The following EPB41L4B variants were observed in gnomAD, a reference collection of about 807,000 sequenced individuals.
EPB41L4B encodes the protein erythrocyte membrane protein band 4.1 like 4B, also known as band 4.1-like protein 4B.
In EPB41L4B, 30 loss-of-function variants were observed where a neutral mutation model predicts 112.5. That is an observed-to-expected ratio of 0.27 (90% CI 0.20 to 0.36). The LOEUF (loss-of-function observed/expected upper bound fraction) is 0.36. EPB41L4B is among the 10% of genes least tolerant of loss of function. The probability of loss-of-function intolerance (pLI) is 1.00; values close to 1 mark genes in which losing one functional copy is unlikely to be tolerated. For synonymous variants in EPB41L4B, 408 were observed against 439.7 expected (o/e 0.93, Z 0.90); for missense variants, 1,024 against 1,133.3 (o/e 0.90, Z 1.38).
At chr9:109,288,584 G>A (rs929487029) in intron 1 of EPB41L4B, among the ~76,000 whole-genome samples, 7 of 151,880 alleles carry the variant, frequency 4.6e-5, no homozygotes, top group African/African-American at 1.4e-4. Flanking sequence ...TTAGCTGGGC[G>A]TTGTGGCGGG....
intron 13 of EPB41L4B, among the ~76,000 whole-genome samples, chr9:109,248,800 C>T (rs1023571846): frequency 7.2e-5 from 11 of 151,974 alleles, no homozygotes; most frequent in Admixed American, 2.6e-4. Flanking sequence ...TAGCTCACAC[C>T]TGTAATCCCA....
chr9:109,215,656 A>G (rs996182869), intron 16 of EPB41L4B, among the ~76,000 whole-genome samples: 1 of 152,186 alleles, frequency 6.6e-6, no homozygotes, highest in Non-Finnish European at 1.5e-5. Flanking sequence ...TCCAGCCCTC[A>G]GTACTTTTCA....
intron 14 of EPB41L4B, among the ~76,000 whole-genome samples, chr9:109,247,288 A>C (rs1343436371): frequency 6.6e-6 from 1 of 151,898 alleles, no homozygotes; most frequent in Non-Finnish European, 1.5e-5. Context: ...ATTTCTCAGT[A>C]CTTTTATACC....
chr9:109,253,298 A>C (rs1834862043), intron 12 of EPB41L4B, 143 bp downstream of exon 12: 1 of 619,294 alleles, frequency 1.6e-6, no homozygotes, highest in Non-Finnish European at 2.9e-6. Context: ...CGTTAAAAGA[A>C]CACCACTGGG....
intron 6 of EPB41L4B, among the ~76,000 whole-genome samples, chr9:109,262,449 G>GT (rs1564302872): frequency 0.06 from 2,714 of 45,388 alleles, 30 homozygotes; most frequent in South Asian, 0.11. Context: ...TGGTGTGTGT[G>GT]GGGGTGTGTG....
chr9:109,226,716 T>C (rs1833784162), intron 15 of EPB41L4B, among the ~76,000 whole-genome samples: 1 of 139,502 alleles, frequency 7.2e-6, no homozygotes, highest in Admixed American at 7.6e-5. Context: ...ATGAAGAATA[T>C]ATATATGAAG....
chr9:109,261,211 G>A lies in EPB41L4B; in HGVS notation c.631+1839C>T, dbSNP rs147808179. On this transcript the variant is annotated intron_variant, in intron 6 of 25. Coordinates refer to ENST00000374566, the MANE Select transcript of EPB41L4B (RefSeq NM_019114.5). ...GACTGTCATATCAGAAAAATACATC[G>A]GAAGCACTGAGCACTGTATTTGGCA... Among the ~76,000 whole-genome samples, 15 of 152,124 alleles carry A rather than the reference G, an allele frequency of 9.9e-5. No homozygotes were observed. The East Asian group carries it at 2.3e-3, about 24-fold the overall frequency.
At chr9:109,258,084 A>G (rs966333848) in intron 7 of EPB41L4B, 93 bp downstream of exon 7, 2 of 1,420,180 alleles carry the variant, frequency 1.4e-6, no homozygotes, top group African/African-American at 2.8e-5. Context: ...GGCCATCAAC[A>G]GAACAATTCT....
chr9:109,260,583 T>C (rs1169478794), intron 6 of EPB41L4B, among the ~76,000 whole-genome samples: 2 of 151,968 alleles, frequency 1.3e-5, no homozygotes, highest in Non-Finnish European at 2.9e-5. Flanking sequence ...CCTGGCTAAT[T>C]TTTGTATTTT....
intron 24 of EPB41L4B, among the ~76,000 whole-genome samples, chr9:109,176,924 A>T (rs1831865658): frequency 6.6e-6 from 1 of 152,340 alleles, no homozygotes; most frequent in East Asian, 1.9e-4. Context: ...CTCACATCTT[A>T]GGCACCATCA....
At chr9:109,267,045 ATAAT>A (rs1835433036) in intron 4 of EPB41L4B, among the ~76,000 whole-genome samples, 1 of 151,932 alleles carries the variant, frequency 6.6e-6, no homozygotes, top group South Asian at 2.1e-4. Context: ...CAACTTTGCT[ATAAT>A]TACTCTGTTT....
chr9:109,217,343 A>T (rs1833412632), intron 15 of EPB41L4B, among the ~76,000 whole-genome samples, 198 bp from the exon 16 acceptor site: 1 of 152,248 alleles, frequency 6.6e-6, no homozygotes. Flanking sequence ...TATATATCAG[A>T]GACTTTAAGT....
chr9:109,288,536 C>T (rs971088725), intron 1 of EPB41L4B, among the ~76,000 whole-genome samples: 4 of 151,748 alleles, frequency 2.6e-5, no homozygotes, highest in South Asian at 2.1e-4. Context: ...CTGGCTAACA[C>T]GGTGAAACCC....
intron 6 of EPB41L4B, among the ~76,000 whole-genome samples, chr9:109,259,656 A>C (rs1245778311): frequency 6.6e-6 from 1 of 152,200 alleles, no homozygotes; most frequent in East Asian, 1.9e-4. Flanking sequence ...CTGATTTGTA[A>C]AATGGGAATT....
intron 1 of EPB41L4B, among the ~76,000 whole-genome samples, chr9:109,298,931 G>C (rs559687611): frequency 6.6e-6 from 1 of 152,250 alleles, no homozygotes; most frequent in South Asian, 2.1e-4. Flanking sequence ...CACCAGACCA[G>C]GCACTGAACC....
rs1554754151 is a variant in EPB41L4B at position 109,249,072 on chromosome 9, A to AT, written c.1311-1284_1311-1283insA. Among the ~76,000 whole-genome samples the AT allele has an allele frequency of 9.7e-3, 1,273 of 130,786 alleles. 13 individuals are homozygous for AT. The highest frequency in any genetic ancestry group is 0.029 in the African/African-American group (1,009 of 35,020). The allele number at this position is 130,786 out of a possible 152,430, so 85.8% of individuals were successfully genotyped here. A position where few individuals can be genotyped will look rare whatever the true frequency, so the allele number is the denominator to read the frequency against. ...AGACTCCATCTCAAAAAAAAAAAAA[A>AT]ATATATATATATATATATGTATATA... is the stretch of plus-strand genomic sequence containing the variant. On this transcript the variant is annotated intron_variant, in intron 13 of 25. Coordinates refer to ENST00000374566, the MANE Select transcript of EPB41L4B (RefSeq NM_019114.5).
chr9:109,269,291 T>C (rs1244872287), intron 2 of EPB41L4B, among the ~76,000 whole-genome samples: 1 of 152,232 alleles, frequency 6.6e-6, no homozygotes, highest in Admixed American at 6.5e-5. Context: ...CATTTTGCTC[T>C]GGTCAATGAG....
chr9:109,185,824 T>C (rs1360891519), intron 22 of EPB41L4B, among the ~76,000 whole-genome samples: 1 of 116,980 alleles, frequency 8.5e-6, no homozygotes, highest in African/African-American at 3.3e-5. Context: ...AGCCTTCTTT[T>C]CTCCTTTCTG....
chr9:109,285,942 T>C (rs890054908), intron 1 of EPB41L4B, among the ~76,000 whole-genome samples: 19 of 152,226 alleles, frequency 1.2e-4, no homozygotes, highest in African/African-American at 4.3e-4. Context: ...GCCTTAAGTA[T>C]ATACATACTC....
Sources: gnomAD v4.1 joint callset for allele counts (sites outside exome capture counted in the v4.1 genomes callset) on GRCh38, gnomAD v4.1.1 for gene constraint, MANE v1.5 for transcripts, NCBI Gene and HGNC (gene_info 2026-07-23, HGNC 2026-07-21) for gene names.